The following ADGRV1 variants were observed in gnomAD, a reference collection of about 807,000 sequenced individuals.
ADGRV1 encodes the protein adhesion G protein-coupled receptor V1, also known as G-protein coupled receptor 98.
In ADGRV1, 359 loss-of-function variants were observed where a neutral mutation model predicts 596.2. The observed-to-expected ratio is 0.60, with a 90% CI of 0.55 to 0.66. The LOEUF is 0.66. ADGRV1 is among the 30% of genes least tolerant of loss of function. The pLI, the probability that ADGRV1 is intolerant of heterozygous loss-of-function variation, is 0.00. For synonymous variants in ADGRV1, 2,681 were observed against 2,679.2 expected, an observed-to-expected ratio of 1.00 and a Z score of -0.02; for missense variants, 7,274 against 7,575.6, an observed-to-expected ratio of 0.96 and a Z score of 1.48.
intron 83 of ADGRV1, among the ~76,000 whole-genome samples, chr5:90,919,994 C>CAAAAAAAAAA: frequency 1.2e-5 from 1 of 80,082 alleles, no homozygotes; most frequent in Admixed American, 1.5e-4. Flanking sequence ...AACTCCATCT[C>CAAAAAAAAAA]AAAAAAAAAA....
chr5:90,590,886 TTTGTATTGTATTTA>T (rs1253304661), intron 1 of ADGRV1, among the ~76,000 whole-genome samples: 4 of 152,220 alleles, frequency 2.6e-5, no homozygotes, highest in African/African-American at 9.6e-5. Context: ...TAATAGTATT[TTTGTATTGTATTTA>T]TCCTACTTGT....
chr5:90,708,432 A>T (rs1351209259), intron 38 of ADGRV1, among the ~76,000 whole-genome samples: 7 of 144,948 alleles, frequency 4.8e-5, no homozygotes, highest in Middle Eastern at 3.3e-3. Flanking sequence ...CTTGAACTGC[A>T]GAGCCTTTTT....
intron 58 of ADGRV1, chr5:90,762,563 A>C (rs148408484): frequency 2.1e-4 from 32 of 152,320 alleles, no homozygotes; most frequent in African/African-American, 7.5e-4. Flanking sequence ...ACTTTGCTTC[A>C]CAGAGTCAAC....
At chr5:90,930,307 G>T (rs1441773033) in intron 83 of ADGRV1, among the ~76,000 whole-genome samples, 1 of 152,146 alleles carries the variant, frequency 6.6e-6, no homozygotes, top group African/African-American at 2.4e-5. Flanking sequence ...GGCATATCAT[G>T]AGTCCTTCCG....
Position 90,728,715 on chromosome 5 carries a change from C to T in ADGRV1, c.10208C>T (p.Pro3403Leu), listed in dbSNP as rs894347638. The T allele has an allele frequency of 5.6e-6, 9 of 1,613,346 alleles. No homozygotes were observed. Among genetic ancestry groups the T allele is most frequent in the Admixed American group, 1.7e-5 (1 of 59,956 alleles). Residue 3403 changes from proline to leucine, a missense_variant, in exon 49 of 90, where the codon CCT becomes CTT. Pro to Leu is a moderately conservative substitution (Grantham distance 98, BLOSUM62 -3). This residue lies in a region of ADGRV1 where 3,643 missense variants were observed against 3,809.2 expected (regional missense o/e 0.96). Transcript: ENST00000405460. ...AGCTTCGTGTTGCATCAAAAACTCC[C>T]TGTCCGAGGTGTGCTGACCGTGGCC... The part of the protein sequence containing the change: ...GGSFVLHQKL[P>L]VRGVLTVALF...
At chr5:91,066,005 C>T (rs185214401) in intron 85 of ADGRV1, among the ~76,000 whole-genome samples, 90 of 152,236 alleles carry the variant, frequency 5.9e-4, no homozygotes, top group South Asian at 3.5e-3. Flanking sequence ...ATTCAACACC[C>T]GAAGAGAGAG....
chr5:91,111,926 T>C (rs2973449), intron 87 of ADGRV1, among the ~76,000 whole-genome samples: 19,193 of 152,200 alleles, frequency 0.13, 1,365 homozygotes, highest in African/African-American at 0.2. Context: ...CACAAATAAA[T>C]ATATAGAAGC....
intron 87 of ADGRV1, among the ~76,000 whole-genome samples, chr5:91,121,424 ACAGG>A (rs768679318): frequency 7.0e-4 from 106 of 152,272 alleles, no homozygotes; most frequent in Non-Finnish European, 1.1e-3. Context: ...GATGGAGACA[ACAGG>A]CTATTTTTGT....
intron 70 of ADGRV1, among the ~76,000 whole-genome samples, chr5:90,795,750 C>G (rs1206917449): frequency 6.6e-6 from 1 of 152,194 alleles, no homozygotes; most frequent in Non-Finnish European, 1.5e-5. Context: ...CAGGAGAGCT[C>G]TGGCTGGCAT....
chr5:90,967,530 G>A (rs11957689), intron 84 of ADGRV1, among the ~76,000 whole-genome samples: 7 of 151,864 alleles, frequency 4.6e-5, no homozygotes, highest in Non-Finnish European at 8.8e-5. Flanking sequence ...TATTTATGTT[G>A]TTATCTGTCT....
At chr5:90,929,474 C>G (rs59430498) in intron 83 of ADGRV1, 14,249 of 152,344 alleles carry the variant, frequency 0.094, 886 homozygotes, top group East Asian at 0.25. Context: ...GAGGCAATGC[C>G]TCGCCCTGCT....
chr5:90,591,714 G>C (rs1759530721), intron 1 of ADGRV1, among the ~76,000 whole-genome samples: 1 of 152,146 alleles, frequency 6.6e-6, no homozygotes, highest in African/African-American at 2.4e-5. Context: ...CTTTGAACCT[G>C]AAGTCCCACT....
chr5:90,631,299 G>A (rs1343599679), intron 9 of ADGRV1, among the ~76,000 whole-genome samples: 1 of 152,034 alleles, frequency 6.6e-6, no homozygotes, highest in Non-Finnish European at 1.5e-5. Context: ...CACTTGGTAG[G>A]GTGACCGTTT....
chr5:90,732,792 A>G lies in ADGRV1; in HGVS notation c.10549+3028A>G, dbSNP rs929433645. 3.9e-5 allele frequency among the ~76,000 whole-genome samples: 6 copies of G among 152,240 alleles called. No homozygotes were observed. The East Asian group carries it at 9.6e-4, about 24-fold the overall frequency. On this transcript the variant is annotated intron_variant, in intron 50 of 89. Coordinates refer to ENST00000405460, the MANE Select transcript of ADGRV1 (RefSeq NM_032119.4). ...TCATTTAGCCTCTGCTAAGTTCTGTACACTCATGAAAGAATGAGAATGAAG... is the reference window on the plus strand; with the variant it reads ...TCATTTAGCCTCTGCTAAGTTCTGTGCACTCATGAAAGAATGAGAATGAAG...
intron 83 of ADGRV1, among the ~76,000 whole-genome samples, chr5:90,892,165 A>G (rs1354697622): frequency 6.6e-6 from 1 of 152,020 alleles, no homozygotes; most frequent in Non-Finnish European, 1.5e-5. Context: ...CACCTCTCTC[A>G]ATGTTGCAAA....
intron 75 of ADGRV1, among the ~76,000 whole-genome samples, chr5:90,822,521 G>T (rs1360257679): frequency 1.3e-5 from 2 of 152,072 alleles, no homozygotes; most frequent in Non-Finnish European, 2.9e-5. Flanking sequence ...ATGCTGTTTT[G>T]GTTACTGTAG....
rs150768289 is a variant in ADGRV1, at chr5:91,097,241, A to C, written c.18311-4978A>C. 1.7e-3 allele frequency among the ~76,000 whole-genome samples: 264 copies of C among 152,294 alleles called. 1 individual carries two copies. In the Middle Eastern group the frequency reaches 0.02, roughly 12 times the overall value. On this transcript the variant is annotated intron_variant, in intron 86 of 89. Transcript: ENST00000405460. Reference sequence around the variant, plus strand: ...GATGATGCCTTCTTGGTGTGTCCTCACATGGTGGAAGGGGCAGGACAGCAC... The same window carrying C: ...GATGATGCCTTCTTGGTGTGTCCTCCCATGGTGGAAGGGGCAGGACAGCAC...
At chr5:91,078,902 A>T (rs2126486134) in intron 86 of ADGRV1, among the ~76,000 whole-genome samples, 1 of 152,336 alleles carries the variant, frequency 6.6e-6, no homozygotes, top group African/African-American at 2.4e-5. Flanking sequence ...TAGCTGAAAC[A>T]TTCTGGTGTT....
intron 9 of ADGRV1, among the ~76,000 whole-genome samples, 156 bp from the exon 10 acceptor site, chr5:90,634,958 G>C (rs1765980869): frequency 6.6e-6 from 1 of 152,118 alleles, no homozygotes. Flanking sequence ...GAAGGAGATT[G>C]AAAAGGGATG....
Sources: gnomAD v4.1 joint callset for allele counts (sites outside exome capture counted in the v4.1 genomes callset) on GRCh38, gnomAD v4.1.1 for gene constraint, gnomAD v4.1.1 regional missense constraint, MANE v1.5 for transcripts, NCBI Gene and HGNC (gene_info 2026-07-23, HGNC 2026-07-21) for gene names.